DOT1L: variants seen among roughly 807,000 people sequenced by gnomAD.
DOT1L encodes the protein histone-lysine N-methyltransferase, H3 lysine-79 specific.
In DOT1L, 33 loss-of-function variants were observed where a neutral mutation model predicts 153.3. That is an observed-to-expected ratio of 0.22 (90% CI 0.16 to 0.29). DOT1L has a LOEUF of 0.29. DOT1L is among the 10% of genes least tolerant of loss of function. DOT1L has a pLI of 1.00. For missense variants in DOT1L, 1,847 were observed against 2,119.9 expected (o/e 0.87, Z 2.53); for synonymous variants, 1,135 against 965.1 (o/e 1.18, Z -3.26).
intron 27 of DOT1L, chr19:2,227,396 C>T (rs998594628): frequency 3.0e-5 from 21 of 691,400 alleles, no homozygotes; most frequent in African/African-American, 7.1e-5. Context: ...CAGAGCATTA[C>T]TTTCTCCCGT....
chr19:2,176,670 C>T (rs2021953054), intron 1 of DOT1L, among the ~76,000 whole-genome samples: 1 of 152,212 alleles, frequency 6.6e-6, no homozygotes, highest in Non-Finnish European at 1.5e-5. Context: ...CAGCCCCCTC[C>T]AACCTGCGCA....
chr19:2,227,195 T>C, intron 27 of DOT1L, 68 bp downstream of exon 27: 1 of 1,561,594 alleles, frequency 6.4e-7, no homozygotes, highest in East Asian at 2.3e-5. Context: ...CTTTGCAGGT[T>C]CCCTTCCGCA....
chr19:2,183,630 CTTT>C (rs34433988), intron 2 of DOT1L, among the ~76,000 whole-genome samples: 1 of 144,090 alleles, frequency 6.9e-6, no homozygotes, highest in Non-Finnish European at 1.5e-5. Flanking sequence ...TGCTTCAGTG[CTTT>C]TTTTTTTTTT....
chr19:2,210,318 T>A, intron 12 of DOT1L, 82 bp from the exon 13 acceptor site: 1 of 1,270,580 alleles, frequency 7.9e-7, no homozygotes, highest in Non-Finnish European at 1.1e-6. Flanking sequence ...CCCCCTTGAG[T>A]CTGAGCTCCG....
At chr19:2,209,108 T>C in intron 12 of DOT1L, 132 bp downstream of exon 12, 1 of 998,384 alleles carries the variant, frequency 1.0e-6, no homozygotes, top group Non-Finnish European at 1.4e-6. Flanking sequence ...GGCCCGGCCC[T>C]GTGCCCTTTC....
At chr19:2,176,677 C>T (rs1435306331) in intron 1 of DOT1L, among the ~76,000 whole-genome samples, 1 of 152,222 alleles carries the variant, frequency 6.6e-6, no homozygotes, top group Non-Finnish European at 1.5e-5. Context: ...CTCCAACCTG[C>T]GCAGCCTCAG....
intron 1 of DOT1L, among the ~76,000 whole-genome samples, chr19:2,178,644 C>A (rs1050497004): frequency 5.9e-5 from 9 of 152,048 alleles, no homozygotes; most frequent in African/African-American, 2.2e-4. Context: ...GTCTTGATCT[C>A]CTGACCTTGT....
intron 1 of DOT1L, among the ~76,000 whole-genome samples, chr19:2,165,150 C>A (rs912466582): frequency 2.6e-5 from 4 of 152,200 alleles, no homozygotes; most frequent in African/African-American, 9.6e-5. Flanking sequence ...CCTCTGGCCA[C>A]GCTCCGGGCT....
chr19:2,228,528 C>T (rs1478863367), intron 27 of DOT1L: 51 of 1,158,486 alleles, frequency 4.4e-5, no homozygotes, highest in African/African-American at 6.6e-5. Context: ...GGGAGATGGT[C>T]GCGAGAGGAG....
intron 1 of DOT1L, among the ~76,000 whole-genome samples, chr19:2,172,057 ACCC>A (rs2021663033): frequency 6.6e-6 from 1 of 152,048 alleles, no homozygotes; most frequent in Non-Finnish European, 1.5e-5. Context: ...TAGTGTGGAA[ACCC>A]CAGGGGAGGA....
In DOT1L at chr19:2,194,508, C is replaced by T; in HGVS notation, c.589-7C>T. ...TTGTAACGGGCGTTTGGTTTCTTTCCTTCCAGACCATGGACCGCGAGTTCA... is the reference window on the plus strand; with the variant it reads ...TTGTAACGGGCGTTTGGTTTCTTTCTTTCCAGACCATGGACCGCGAGTTCA... On this transcript the variant is annotated splice_polypyrimidine_tract_variant and splice_region_variant and intron_variant, in intron 6 of 27. Transcript: ENST00000398665. 3.7e-6 allele frequency: 6 copies of T among 1,613,970 alleles called. No homozygotes were observed. The highest frequency in any genetic ancestry group is 5.1e-6 in the Non-Finnish European group (6 of 1,179,996).
At position 2,190,333 on chromosome 19, in the gene DOT1L, C is replaced by T. The variant is rs1471365082; in HGVS notation, c.264+538C>T. On this transcript the variant is annotated intron_variant, in intron 4 of 27. Transcript: ENST00000398665. The surrounding 1 kb of genome is among the most constrained non-coding windows in gnomAD (Gnocchi z 4.8). ...CCATGTTCTAGAAAGCACCGGGGGC[C>T]CCTGGTGCATGGGGGTAGGGGAGCT... 6.6e-6 allele frequency among the ~76,000 whole-genome samples: 1 copy of T among 152,100 alleles called. No individual in the cohort carries two copies. The highest frequency in any genetic ancestry group is 2.1e-4 in the South Asian group (1 of 4,826).
In DOT1L at chr19:2,216,506, G is replaced by A. The variant is rs2144867287; in HGVS notation, c.2149G>A (p.Ala717Thr). Residue 717 changes from alanine (A) to threonine (T), a missense_variant, in exon 20 of 28, where the codon GCT (alanine) becomes ACT (threonine). Around this residue, in one of 8 missense-constraint regions of DOT1L, gnomAD observed 281 missense variants for 263.6 expected, o/e 1.07. Coordinates refer to ENST00000398665, the MANE Select transcript of DOT1L (RefSeq NM_032482.3). Reference protein sequence around the residue: ...MSPELSMNGQAAGYELCGVLS... With the variant: ...MSPELSMNGQTAGYELCGVLS... ...CCCGGAGCTCTCCATGAACGGCCAG[G>A]CTGCTGGCTATGAGCTCTGCGGTGT... is the stretch of plus-strand genomic sequence containing the variant. 2 of 1,612,498 alleles carry A rather than the reference G, an allele frequency of 1.2e-6. No individual in the cohort carries two copies. Among genetic ancestry groups the A allele is most frequent in the Non-Finnish European group, 1.7e-6 (2 of 1,179,950 alleles).
chr19:2,181,221 C>T (rs2022215251), intron 2 of DOT1L, among the ~76,000 whole-genome samples: 1 of 152,222 alleles, frequency 6.6e-6, no homozygotes, highest in South Asian at 2.1e-4. Context: ...CCTCTGGGTG[C>T]CTCTCTGCTG....
At chr19:2,202,308 C>T (rs983236769) in intron 8 of DOT1L, among the ~76,000 whole-genome samples, 6 of 152,344 alleles carry the variant, frequency 3.9e-5, no homozygotes, top group Middle Eastern at 3.4e-3. Flanking sequence ...CTCTGCTTGG[C>T]GCCCCCTGTT....
chr19:2,223,139 G>A (rs1447113126), intron 24 of DOT1L, 142 bp from the exon 25 acceptor site: 6 of 820,518 alleles, frequency 7.3e-6, no homozygotes, highest in Non-Finnish European at 1.2e-5. Context: ...CAGGACAGGG[G>A]CTGTACTGGC....
chr19:2,200,741 C>T (rs1162499334), intron 8 of DOT1L, among the ~76,000 whole-genome samples: 1 of 151,400 alleles, frequency 6.6e-6, no homozygotes, highest in Non-Finnish European at 1.5e-5. Flanking sequence ...CTCATCTTCC[C>T]TGTATTCCTC....
intron 7 of DOT1L, among the ~76,000 whole-genome samples, chr19:2,198,305 G>A (rs904596252): frequency 2.6e-5 from 4 of 152,200 alleles, no homozygotes; most frequent in African/African-American, 9.6e-5. Flanking sequence ...CGGGTGTGGG[G>A]GGTGGCCCAG....
chr19:2,167,304 C>T lies in DOT1L; in HGVS notation c.81+3039C>T, dbSNP rs114516972. ...TGCTAAGAAACCCACTGGAACCCAG[C>T]GTCGGGGCCTGGGGTAGTGGTCTTG... On this transcript the variant is annotated intron_variant, in intron 1 of 27. Transcript: ENST00000398665. Among the ~76,000 whole-genome samples the T allele has an allele frequency of 4.6e-3, 695 of 152,330 alleles. 10 individuals carry two copies. The highest frequency in any genetic ancestry group is 0.016 in the African/African-American group (676 of 41,568).
Sources: gnomAD v4.1 joint callset for allele counts (sites outside exome capture counted in the v4.1 genomes callset) on GRCh38, gnomAD v4.1.1 for gene constraint, gnomAD v4.1.1 regional missense constraint, Gnocchi (gnomAD v3.1) non-coding constraint, MANE v1.5 for transcripts, NCBI Gene and HGNC (gene_info 2026-07-23, HGNC 2026-07-21) for gene names.